Variants in LGR6 observed in about 807,000 individuals in gnomAD.
The protein encoded by LGR6 is leucine-rich repeat-containing G protein-coupled receptor 6.
LGR6 carries 45 observed loss-of-function variants against 69.4 expected under a neutral mutation model. The observed-to-expected ratio is 0.65, with a 90% CI of 0.51 to 0.83. The LOEUF is 0.83. LGR6 is among the 40% of genes least tolerant of loss of function. LGR6 has a pLI of 0.00. For missense variants in LGR6, 1,108 were observed against 1,246.7 expected (o/e 0.89, Z 1.68); for synonymous variants, 538 against 555.0 (o/e 0.97, Z 0.43).
At chr1:202,315,046 C>G (rs938896776) in intron 17 of LGR6, among the ~76,000 whole-genome samples, 164 bp downstream of exon 17, 1 of 152,220 alleles carries the variant, frequency 6.6e-6, no homozygotes, top group African/African-American at 2.4e-5. Context: ...GGGGAAGGAA[C>G]TGGAGTTCTT....
intron 4 of LGR6, among the ~76,000 whole-genome samples, chr1:202,245,918 C>T (rs1468868914): frequency 6.6e-6 from 1 of 151,998 alleles, no homozygotes; most frequent in African/African-American, 2.4e-5. Context: ...ATCCATTCAT[C>T]CTTGCATCCA....
chr1:202,241,098 A>G (rs112039529), intron 4 of LGR6, among the ~76,000 whole-genome samples: 5 of 152,212 alleles, frequency 3.3e-5, no homozygotes, highest in African/African-American at 9.6e-5. Context: ...CTACAAGGGA[A>G]GCCGCCTTTT....
At chr1:202,250,843 C>T (rs1262154350) in intron 4 of LGR6, among the ~76,000 whole-genome samples, 4 of 152,148 alleles carry the variant, frequency 2.6e-5, no homozygotes, top group Non-Finnish European at 5.9e-5. Flanking sequence ...GTAATTTGCT[C>T]AGTAACACAC....
intron 1 of LGR6, among the ~76,000 whole-genome samples, chr1:202,221,871 A>T (rs1310237968): frequency 6.6e-6 from 1 of 152,236 alleles, no homozygotes; most frequent in African/African-American, 2.4e-5. Flanking sequence ...TGAATGTTTG[A>T]GCTGTGCCCT....
At position 202,280,814 on chromosome 1, in the gene LGR6, GA is replaced by G; in HGVS notation, c.679del (p.Thr227ProfsTer13). 1.2e-6 allele frequency: 2 copies of G among 1,614,202 alleles called. No individual in the cohort carries two copies. Among genetic ancestry groups the G allele is most frequent in the Non-Finnish European group, 1.7e-6 (2 of 1,180,038 alleles). On this transcript the variant is annotated frameshift_variant, in exon 6 of 18. Transcript: ENST00000367278. LOFTEE classifies it high-confidence loss of function. ...ATAACAACCGCATCCAGCATCTGGG[GA>G]CCCACAGCTTCGAGGGGCTGCACAA... The part of the protein sequence containing the change: ...LHNNRIQHLG[T>X]HSFEGLHNLE...
chr1:202,239,344 GGT>G (rs36157781), intron 4 of LGR6, among the ~76,000 whole-genome samples: 11,889 of 143,988 alleles, frequency 0.083, 618 homozygotes, highest in Admixed American at 0.17. Context: ...GTGTGTGTGT[GGT>G]GTGTGTGTGT....
At chr1:202,208,321 A>T (rs1659332173) in intron 1 of LGR6, among the ~76,000 whole-genome samples, 1 of 151,960 alleles carries the variant, frequency 6.6e-6, no homozygotes, top group Non-Finnish European at 1.5e-5. Flanking sequence ...GTGGGGTGAG[A>T]GTTCCTGACC....
At chr1:202,252,090 T>C (rs1403313284) in intron 4 of LGR6, among the ~76,000 whole-genome samples, 1 of 152,070 alleles carries the variant, frequency 6.6e-6, no homozygotes, top group Non-Finnish European at 1.5e-5. Flanking sequence ...ACTCCTCTGA[T>C]CAGAAACCGC....
In LGR6 at chr1:202,309,196, C is replaced by T. The variant is rs562028950; in HGVS notation, c.1406+20C>T. ...ACTGAGGTGAGGGACTGGCTTTCCC[C>T]AACACCTGGGTAGGCCAGCTGGAGA... On this transcript the variant is annotated intron_variant, in intron 15 of 17. Coordinates refer to ENST00000367278, the MANE Select transcript of LGR6 (RefSeq NM_001017403.2). The T allele has an allele frequency of 9.9e-6, 16 of 1,613,176 alleles. No individual in the cohort carries two copies. In the South Asian group the frequency reaches 1.6e-4, roughly 17 times the overall value.
At chr1:202,205,828 C>A (rs1216570075) in intron 1 of LGR6, among the ~76,000 whole-genome samples, 1 of 133,184 alleles carries the variant, frequency 7.5e-6, no homozygotes, top group Non-Finnish European at 1.6e-5. Context: ...CACACACACC[C>A]CAACACACAC....
At chr1:202,228,104 T>G in intron 3 of LGR6, 97 bp downstream of exon 3, 1 of 754,950 alleles carries the variant, frequency 1.3e-6, no homozygotes, top group Non-Finnish European at 2.2e-6. Flanking sequence ...TACCACTGAC[T>G]TGCTTATTAT....
At chr1:202,265,172 C>T (rs1345579639) in intron 4 of LGR6, among the ~76,000 whole-genome samples, 1 of 152,184 alleles carries the variant, frequency 6.6e-6, no homozygotes, top group Non-Finnish European at 1.5e-5. Context: ...AGGCTCCATG[C>T]ACCATCACCC....
intron 4 of LGR6, among the ~76,000 whole-genome samples, chr1:202,275,464 G>T (rs964084342): frequency 2.0e-5 from 3 of 152,114 alleles, no homozygotes; most frequent in Non-Finnish European, 4.4e-5. Flanking sequence ...GATCTTCTAG[G>T]GCTCCCATAA....
At chr1:202,236,075 C>T (rs1183539185) in intron 4 of LGR6, 82 bp downstream of exon 4, 1 of 1,186,086 alleles carries the variant, frequency 8.4e-7, no homozygotes, top group Admixed American at 1.7e-5. Context: ...CCTCAGCTTT[C>T]CCTTCCCTCT....
At chr1:202,307,131 G>GA (rs1185777741) in intron 13 of LGR6, among the ~76,000 whole-genome samples, 192 bp downstream of exon 13, 3 of 152,222 alleles carry the variant, frequency 2.0e-5, no homozygotes, top group African/African-American at 7.2e-5. Flanking sequence ...TGAGGCTCTG[G>GA]AGCCAAGCTG....
At chr1:202,292,606 C>A (rs1470056134) in intron 6 of LGR6, among the ~76,000 whole-genome samples, 1 of 152,170 alleles carries the variant, frequency 6.6e-6, no homozygotes, top group Non-Finnish European at 1.5e-5. Context: ...AAATCCTGGA[C>A]TAGATACAGT....
At position 202,319,178 on chromosome 1, in the gene LGR6, T is replaced by C; in HGVS notation, c.2875T>C (p.Ser959Pro). The change falls in exon 18 of 18, where the codon TCT becomes CCT. Residue 959 changes from serine (S) to proline (P), a missense_variant. By Grantham distance (74) the Ser-to-Pro change is moderately conservative (BLOSUM62 -1). Transcript: ENST00000367278. ...GLSGGGGFQP[S>P]GLAFASHV ...GTCAGGGGGTGGCGGCTTTCAGCCC[T>C]CTGGCTTGGCCTTTGCTTCACACGT... The C allele has an allele frequency of 1.2e-6, 2 of 1,610,978 alleles. No homozygotes were observed. Among genetic ancestry groups the C allele is most frequent in the Admixed American group, 1.7e-5 (1 of 59,618 alleles).
chr1:202,250,528 C>T (rs898061279), intron 4 of LGR6, among the ~76,000 whole-genome samples: 6 of 152,054 alleles, frequency 3.9e-5, no homozygotes, highest in Non-Finnish European at 8.8e-5. Flanking sequence ...GCCTCAGCCT[C>T]CTGAGTAGCT....
intron 4 of LGR6, among the ~76,000 whole-genome samples, chr1:202,259,236 C>T (rs1366497514): frequency 6.6e-6 from 1 of 152,034 alleles, no homozygotes; most frequent in Non-Finnish European, 1.5e-5. Flanking sequence ...TTTCTGTGCT[C>T]TCTTTGATCA....
Sources: gnomAD v4.1 joint callset for allele counts (sites outside exome capture counted in the v4.1 genomes callset) on GRCh38, gnomAD v4.1.1 for gene constraint, MANE v1.5 for transcripts, NCBI Gene and HGNC (gene_info 2026-07-23, HGNC 2026-07-21) for gene names.